Variants in TEX22 observed in about 807,000 individuals in gnomAD.
The protein encoded by TEX22 is testis expressed 22.
TEX22 carries 16 observed loss-of-function variants against 11.3 expected under a neutral mutation model. That is an observed-to-expected ratio of 1.42 (90% CI 0.96 to 2.15). TEX22 has a LOEUF of 2.15. Among genes scored for constraint, TEX22 ranks in the 30% most tolerant of loss-of-function variants. TEX22 has a pLI of 0.00. For synonymous variants in TEX22, 97 were observed against 92.3 expected (o/e 1.05, Z -0.29); for missense variants, 220 against 208.6 (o/e 1.05, Z -0.34).
intron 2 of TEX22, among the ~76,000 whole-genome samples, chr14:105,406,925 G>T (rs2081661484): frequency 6.6e-6 from 1 of 151,926 alleles, no homozygotes; most frequent in African/African-American, 2.4e-5. Flanking sequence ...CAAATAATTT[G>T]CACGGTCATG....
rs912735725 is a variant in TEX22, at chr14:105,398,572, C to T, written c.-103C>T. The T allele has an allele frequency of 1.3e-5, 2 of 152,280 alleles. No homozygotes were observed. The highest frequency in any genetic ancestry group is 4.8e-5 in the African/African-American group (2 of 41,456). 9.4% of individuals were successfully genotyped at this position (152,280 alleles called of 1,614,324 possible). ...GACGTTCTGGAGCGAGGCGCCGGCC[C>T]CTTGGGCCCCCTCAAGCCGCGGTGT... is the stretch of plus-strand genomic sequence containing the variant. On this transcript the variant is annotated 5_prime_UTR_variant, in exon 1 of 4. Coordinates refer to ENST00000451127, the MANE Select transcript of TEX22 (RefSeq NM_001195082.2).
chr14:105,404,687 C>G (rs1448767844), intron 2 of TEX22, among the ~76,000 whole-genome samples: 1 of 152,108 alleles, frequency 6.6e-6, no homozygotes, highest in Non-Finnish European at 1.5e-5. Context: ...CCATGCTCAG[C>G]CTGGAATAGC....
intron 2 of TEX22, among the ~76,000 whole-genome samples, chr14:105,403,879 C>T (rs1156808202): frequency 6.6e-6 from 1 of 152,198 alleles, no homozygotes; most frequent in African/African-American, 2.4e-5. Flanking sequence ...CAGACAGGGT[C>T]TCACTATGTT....
At position 105,399,425 on chromosome 14, in the gene TEX22, A is replaced by C; in HGVS notation, c.85A>C (p.Ile29Leu). 1 of 1,535,830 alleles carries C rather than the reference A, an allele frequency of 6.5e-7. No homozygotes were observed. Among genetic ancestry groups the C allele is most frequent in the East Asian group, 2.4e-5 (1 of 40,910 alleles). ...QEHRRPPLGL[I>L]AAWGQPSIQS... is the part of the protein sequence containing the mutation. The stretch of plus-strand genomic sequence containing the variant: ...GCACAGGCGGCCCCCACTGGGCCTG[A>C]TAGCAGCCTGGGGCCAGCCCAGTAT... The change falls in exon 2 of 4, where the codon ATA becomes CTA. Residue 29 changes from isoleucine (I) to leucine (L), a missense_variant. Transcript: ENST00000451127.
chr14:105,402,487 G>A (rs142635727), intron 2 of TEX22, among the ~76,000 whole-genome samples: 81 of 152,248 alleles, frequency 5.3e-4, no homozygotes, highest in African/African-American at 1.3e-3. Flanking sequence ...GGGTGTGGTG[G>A]CTCACGCCTG....
At chr14:105,411,617 C>T in intron 3 of TEX22, 43 bp from the exon 4 acceptor site, 3 of 1,468,726 alleles carry the variant, frequency 2.0e-6, no homozygotes, top group Non-Finnish European at 2.7e-6. Context: ...CGCCGTTGTC[C>T]CCTTCCCGCC....
intron 2 of TEX22, among the ~76,000 whole-genome samples, chr14:105,402,521 G>A (rs587726662): frequency 7.8e-4 from 119 of 152,134 alleles, no homozygotes; most frequent in African/African-American, 2.1e-3. Flanking sequence ...TTGGGAGGCT[G>A]GGGCGGGCAG....
chr14:105,411,801 A>ACTTT lies in TEX22; in HGVS notation c.423_426dup (p.Glu143PhefsTer49). 6.8e-7 allele frequency: 1 copy of ACTTT among 1,464,870 alleles called. No individual in the cohort carries two copies. The highest frequency in any genetic ancestry group is 9.0e-7 in the Non-Finnish European group (1 of 1,106,234). 90.7% of individuals were successfully genotyped at this position (1,464,870 alleles called of 1,614,324 possible). On this transcript the variant is annotated frameshift_variant, in exon 4 of 4. Transcript: ENST00000451127. LOFTEE classifies it high-confidence loss of function. ...CAGTGCGCCTTTCTGGCATAATGCG[A>ACTTT]CTTTCGAGGCCTCGAGGTCACCCCC...
chr14:105,401,822 CAA>C (rs1397636952), intron 2 of TEX22, among the ~76,000 whole-genome samples: 1 of 152,148 alleles, frequency 6.6e-6, no homozygotes, highest in African/African-American at 2.4e-5. Context: ...GGGGAGCTCT[CAA>C]GAGCTTGCAG....
intron 3 of TEX22, 68 bp from the exon 4 acceptor site, chr14:105,411,592 G>A: frequency 1.7e-6 from 2 of 1,200,412 alleles, no homozygotes; most frequent in Non-Finnish European, 2.1e-6. Context: ...CCTTTACCCC[G>A]GCGCTCCCGG....
intron 2 of TEX22, among the ~76,000 whole-genome samples, chr14:105,402,525 C>G (rs375099300): frequency 1.3e-5 from 2 of 151,822 alleles, no homozygotes; most frequent in Non-Finnish European, 2.9e-5. Context: ...GAGGCTGGGG[C>G]GGGCAGATCA....
At chr14:105,410,631 C>T (rs2081684541) in intron 2 of TEX22, among the ~76,000 whole-genome samples, 1 of 152,208 alleles carries the variant, frequency 6.6e-6, no homozygotes, top group South Asian at 2.1e-4. Flanking sequence ...GAATTCACTT[C>T]GGGTTTGCAT....
intron 2 of TEX22, among the ~76,000 whole-genome samples, 168 bp from the exon 3 acceptor site, chr14:105,411,200 T>C (rs1555419296): frequency 6.6e-6 from 1 of 152,212 alleles, no homozygotes; most frequent in Non-Finnish European, 1.5e-5. Context: ...AGGGCCACAC[T>C]GCCTGAGGCC....
At position 105,403,753 on chromosome 14, in the gene TEX22, C is replaced by T. The variant is rs1006736789; in HGVS notation, c.150+4263C>T. Among the ~76,000 whole-genome samples, 4 of 152,254 alleles carry T rather than the reference C, an allele frequency of 2.6e-5. No individual in the cohort carries two copies. The Middle Eastern group carries it at 0.014, about 518-fold the overall frequency. On this transcript the variant is annotated intron_variant, in intron 2 of 3. Coordinates refer to ENST00000451127, the MANE Select transcript of TEX22 (RefSeq NM_001195082.2). Reference sequence around the variant, plus strand: ...AACGTTTTAAACATGCCAAGCTTCCCAAAAACAATTCAGTGTTTTTTAAAA... The same window carrying T: ...AACGTTTTAAACATGCCAAGCTTCCTAAAAACAATTCAGTGTTTTTTAAAA...
intron 2 of TEX22, among the ~76,000 whole-genome samples, chr14:105,402,214 C>T (rs1024634119): frequency 6.6e-5 from 10 of 151,952 alleles, no homozygotes; most frequent in Admixed American, 2.0e-4. Context: ...TTCTGGAAAC[C>T]GAAGCCCTTA....
chr14:105,407,467 G>GC (rs1241860152), intron 2 of TEX22, among the ~76,000 whole-genome samples: 1 of 152,054 alleles, frequency 6.6e-6, no homozygotes, highest in Non-Finnish European at 1.5e-5. Context: ...TGAACTCCTA[G>GC]CCTCAAGTGA....
At chr14:105,405,828 T>C (rs587694169) in intron 2 of TEX22, among the ~76,000 whole-genome samples, 1 of 152,344 alleles carries the variant, frequency 6.6e-6, no homozygotes, top group South Asian at 2.1e-4. Context: ...TGTTTTAAAA[T>C]GTTTACTTGG....
chr14:105,402,909 C>G (rs1238986144), intron 2 of TEX22, among the ~76,000 whole-genome samples: 1 of 152,140 alleles, frequency 6.6e-6, no homozygotes, highest in African/African-American at 2.4e-5. Context: ...CAGGGTCTTG[C>G]TCTGTCACCA....
At chr14:105,409,482 A>G (rs1301214303) in intron 2 of TEX22, among the ~76,000 whole-genome samples, 1 of 150,232 alleles carries the variant, frequency 6.7e-6, no homozygotes, top group Admixed American at 6.6e-5. Context: ...GCCCTAGACT[A>G]TTAAGACTTC....
Sources: allele counts gnomAD v4.1 joint callset (sites outside exome capture counted in the v4.1 genomes callset), GRCh38; gene constraint gnomAD v4.1.1; transcripts MANE v1.5; gene names NCBI Gene and HGNC (gene_info 2026-07-23, HGNC 2026-07-21).